APTX: variants seen among roughly 807,000 people sequenced by gnomAD.
APTX encodes aprataxin, also known as forkhead-associated domain histidine triad-like protein.
In APTX, 33 loss-of-function variants were observed where a neutral mutation model predicts 42.3. The ratio of observed to expected loss-of-function variants is 0.78; its 90% CI spans 0.59 to 1.04. APTX has a LOEUF of 1.04. Among genes scored for constraint, APTX ranks in the 50% least tolerant of loss-of-function variants. The pLI is 0.00. For missense variants in APTX, 421 were observed against 415.1 expected (o/e 1.01, Z -0.12); for synonymous variants, 130 against 146.7 (o/e 0.89, Z 0.82).
chr9:33,016,346 T>C (rs967202451), intron 1 of APTX: 5 of 152,164 alleles, frequency 3.3e-5, no homozygotes, highest in South Asian at 4.1e-4. Context: ...GTTTTAGCCA[T>C]GTAAAAATTC....
At chr9:32,975,390 T>C (rs1420486645) in intron 6 of APTX, among the ~76,000 whole-genome samples, 4 of 152,232 alleles carry the variant, frequency 2.6e-5, no homozygotes, top group Admixed American at 6.5e-5. Context: ...TTTAATTTTA[T>C]TATTCTTAAA....
Position 32,973,024 on chromosome 9 carries a change from A to G in APTX, c.*474T>C, listed in dbSNP as rs1208364301. On this transcript the variant is annotated 3_prime_UTR_variant, in exon 8 of 8. Coordinates refer to ENST00000379817, the MANE Select transcript of APTX (RefSeq NM_001195248.2). ...CTAAGCCTCCCCATGAAGGAAGGGA[A>G]AAGAATATTACAAAACAGACTAACA... 1 of 454,082 alleles carries G rather than the reference A, an allele frequency of 2.2e-6. No individual in the cohort carries two copies. The highest frequency in any genetic ancestry group is 4.4e-6 in the Non-Finnish European group (1 of 226,840). 28.1% of individuals were successfully genotyped at this position (454,082 alleles called of 1,614,324 possible).
chr9:33,008,173 G>C (rs1393301720), intron 1 of APTX, among the ~76,000 whole-genome samples: 1 of 151,940 alleles, frequency 6.6e-6, no homozygotes, highest in East Asian at 1.9e-4. Flanking sequence ...GTAAATCTGA[G>C]GGGAGGCCTA....
chr9:32,988,246 C>T, intron 2 of APTX, 117 bp from the exon 3 acceptor site: 1 of 865,546 alleles, frequency 1.2e-6, no homozygotes, highest in Non-Finnish European at 2.0e-6. Flanking sequence ...GTGGTGTTTC[C>T]TTAAAGGCCT....
At chr9:33,007,524 T>C (rs1837246010) in intron 1 of APTX, among the ~76,000 whole-genome samples, 1 of 152,094 alleles carries the variant, frequency 6.6e-6, no homozygotes, top group Non-Finnish European at 1.5e-5. Flanking sequence ...CAAGGGATAT[T>C]TGGGGGCAGC....
At chr9:32,986,720 C>T (rs1832262536) in intron 4 of APTX, among the ~76,000 whole-genome samples, 2 of 148,792 alleles carry the variant, frequency 1.3e-5, no homozygotes, top group South Asian at 2.1e-4. Context: ...AGGCTGGTCT[C>T]GAACTCCTGA....
intron 6 of APTX, chr9:32,979,693 T>G (rs906137623): frequency 6.2e-6 from 1 of 162,204 alleles, no homozygotes; most frequent in South Asian, 1.6e-4. Flanking sequence ...GATGACTTCT[T>G]TGGTCAAGTT....
chr9:32,989,163 G>A (rs1046294501), intron 2 of APTX, among the ~76,000 whole-genome samples: 1 of 152,144 alleles, frequency 6.6e-6, no homozygotes, highest in African/African-American at 2.4e-5. Flanking sequence ...AACTCATATA[G>A]GAAAGATCAT....
At chr9:33,004,337 G>C (rs770670624), upstream of APTX, among the ~76,000 whole-genome samples, 2 of 152,140 alleles carry the variant, frequency 1.3e-5, no homozygotes, top group Non-Finnish European at 2.9e-5. Context: ...TATTACTCGG[G>C]TGATAGGTAC....
upstream of APTX, among the ~76,000 whole-genome samples, chr9:33,006,066 G>GTTGT (rs148290929): frequency 6.9e-3 from 1,033 of 150,764 alleles, 3 homozygotes; most frequent in African/African-American, 0.014. Context: ...TCAGGGTTTT[G>GTTGT]TTGTTTGTTT....
intron 1 of APTX, among the ~76,000 whole-genome samples, chr9:32,991,770 C>A (rs1356934502): frequency 1.5e-5 from 2 of 136,856 alleles, no homozygotes; most frequent in Admixed American, 1.5e-4. Context: ...GGGCAAGGCT[C>A]CATCTCAAGA....
chr9:32,985,957 A>C lies in APTX; in HGVS notation c.543+14T>G. 6.2e-7 allele frequency: 1 copy of C among 1,609,826 alleles called. No homozygotes were observed. Among genetic ancestry groups the C allele is most frequent in the Non-Finnish European group, 8.5e-7 (1 of 1,178,894 alleles). ...AACATGAAATGTACTGAAATTCCAA[A>C]ATTGTATTCTGACCTGCATTTTGGG... is the stretch of plus-strand genomic sequence containing the variant. On this transcript the variant is annotated intron_variant, in intron 5 of 7. Coordinates refer to ENST00000379817, the MANE Select transcript of APTX (RefSeq NM_001195248.2).
chr9:32,986,131 A>G (rs1317417148), intron 4 of APTX, 101 bp from the exon 5 acceptor site: 1 of 1,072,400 alleles, frequency 9.3e-7, no homozygotes, highest in East Asian at 2.4e-5. Context: ...ACTGTGTGAT[A>G]GCACAACTAA....
intron 1 of APTX, among the ~76,000 whole-genome samples, chr9:33,019,276 TA>T (rs1005357095): frequency 2.0e-5 from 3 of 151,892 alleles, no homozygotes; most frequent in African/African-American, 7.3e-5. Flanking sequence ...AGAGAGTTCA[TA>T]AAAAAGACTG....
chr9:33,007,444 A>G (rs999483318), intron 1 of APTX, among the ~76,000 whole-genome samples: 11 of 152,236 alleles, frequency 7.2e-5, no homozygotes, highest in Non-Finnish European at 1.5e-4. Context: ...AGTGGAAAGC[A>G]GTTAGCAGTT....
chr9:33,007,324 A>AGTGTT (rs1382037378), intron 1 of APTX, among the ~76,000 whole-genome samples: 1 of 152,230 alleles, frequency 6.6e-6, no homozygotes, highest in African/African-American at 2.4e-5. Context: ...CATTCATTGA[A>AGTGTT]AAACCCCTGA....
Position 32,973,257 on chromosome 9 carries a change from G to T in APTX, c.*241C>A, listed in dbSNP as rs1161819366. The T allele has an allele frequency of 1.6e-6, 1 of 610,542 alleles. No individual in the cohort carries two copies. The highest frequency in any genetic ancestry group is 1.5e-5 in the South Asian group (1 of 65,924). The allele number at this position is 610,542 out of a possible 1,614,324, so 37.8% of individuals were successfully genotyped here. On this transcript the variant is annotated 3_prime_UTR_variant, in exon 8 of 8. Coordinates refer to ENST00000379817, the MANE Select transcript of APTX (RefSeq NM_001195248.2). ...ACCTGACATGGGTCCTTCTGAAGAT[G>T]GTGGGTCAGGTATATCCCAGCCACC... is the stretch of plus-strand genomic sequence containing the variant.
chr9:33,002,662 C>G (rs1422819586), upstream of APTX, among the ~76,000 whole-genome samples: 1 of 152,238 alleles, frequency 6.6e-6, no homozygotes, highest in East Asian at 1.9e-4. Flanking sequence ...AGCCTAATCT[C>G]TCTTCCACTG....
intron 1 of APTX, among the ~76,000 whole-genome samples, chr9:33,000,628 A>C (rs1308668941): frequency 1.2e-5 from 1 of 81,038 alleles, no homozygotes; most frequent in Non-Finnish European, 2.7e-5. Flanking sequence ...TCTGTCTCAA[A>C]AAAAAAAAAA....
Sources: allele counts gnomAD v4.1 joint callset (sites outside exome capture counted in the v4.1 genomes callset), GRCh38; gene constraint gnomAD v4.1.1; transcripts MANE v1.5; gene names NCBI Gene and HGNC (gene_info 2026-07-23, HGNC 2026-07-21).